The following NRG3 variants were observed in gnomAD, a reference collection of about 807,000 sequenced individuals.
NRG3 encodes the protein pro-neuregulin-3, membrane-bound isoform.
A neutral mutation model predicts 66.9 loss-of-function variants in NRG3; 31 were observed. The ratio of observed to expected loss-of-function variants is 0.46; its 90% CI spans 0.35 to 0.63. NRG3 has a LOEUF of 0.63. Among genes scored for constraint, NRG3 ranks in the 20% least tolerant of loss-of-function variants. The probability of loss-of-function intolerance (pLI) is 0.00; values close to 1 mark genes in which losing one functional copy is unlikely to be tolerated. For missense variants in NRG3, 910 were observed against 878.9 expected (o/e 1.04, Z -0.45); for synonymous variants, 393 against 359.4 (o/e 1.09, Z -1.06).
At chr10:82,418,007 G>T (rs1218816191) in intron 2 of NRG3, among the ~76,000 whole-genome samples, 1 of 152,228 alleles carries the variant, frequency 6.6e-6, no homozygotes, top group Non-Finnish European at 1.5e-5. Context: ...AGAGCACCTT[G>T]AAGTGAAGGC....
intron 4 of NRG3, among the ~76,000 whole-genome samples, chr10:82,925,574 C>T (rs1253751593): frequency 6.6e-6 from 1 of 152,230 alleles, no homozygotes; most frequent in Admixed American, 6.5e-5. Context: ...GACAAGCATG[C>T]TTTAATGCTA....
At chr10:82,410,305 T>A (rs1369380214) in intron 2 of NRG3, among the ~76,000 whole-genome samples, 1 of 151,948 alleles carries the variant, frequency 6.6e-6, no homozygotes, top group Non-Finnish European at 1.5e-5. Context: ...CATAATATAA[T>A]GGGGACCATT....
intron 2 of NRG3, among the ~76,000 whole-genome samples, chr10:82,734,227 G>T (rs1226884238): frequency 6.6e-6 from 1 of 152,080 alleles, no homozygotes; most frequent in African/African-American, 2.4e-5. Flanking sequence ...CTTTTCCTTG[G>T]GGACAATGTA....
chr10:82,855,319 C>T (rs540696715), intron 3 of NRG3, among the ~76,000 whole-genome samples: 3 of 152,126 alleles, frequency 2.0e-5, no homozygotes, highest in African/African-American at 7.2e-5. Flanking sequence ...ATCCTTCTTT[C>T]TTTTCTTTCA....
chr10:82,903,254 T>C (rs1844406724), intron 4 of NRG3, among the ~76,000 whole-genome samples: 2 of 152,160 alleles, frequency 1.3e-5, no homozygotes, highest in Non-Finnish European at 2.9e-5. Flanking sequence ...TGAGCCCAAA[T>C]GTTGAGCGTG....
At chr10:82,232,781 G>A in intron 1 of NRG3, 1 of 717,352 alleles carries the variant, frequency 1.4e-6, no homozygotes, top group Non-Finnish European at 2.6e-6. Flanking sequence ...GGCAACATGG[G>A]GAAGACCAGA....
At chr10:82,362,037 C>G (rs1429201418) in intron 2 of NRG3, among the ~76,000 whole-genome samples, 1 of 81,842 alleles carries the variant, frequency 1.2e-5, no homozygotes, top group Non-Finnish European at 2.3e-5. Flanking sequence ...GATAAGAACA[C>G]AATTACCAAA....
chr10:81,962,835 C>T (rs1486096027), intron 1 of NRG3, among the ~76,000 whole-genome samples: 1 of 152,156 alleles, frequency 6.6e-6, no homozygotes, highest in African/African-American at 2.4e-5. Context: ...GGTCTGTCCT[C>T]TTGTTTTAGG....
chr10:82,332,059 A>T (rs1310560833), intron 1 of NRG3, among the ~76,000 whole-genome samples: 1 of 152,150 alleles, frequency 6.6e-6, no homozygotes, highest in Non-Finnish European at 1.5e-5. Flanking sequence ...ATTTATCGGA[A>T]CCATGGTCAC....
At chr10:82,891,727 A>AT (rs964863803) in intron 4 of NRG3, among the ~76,000 whole-genome samples, 3 of 151,900 alleles carry the variant, frequency 2.0e-5, no homozygotes, top group Non-Finnish European at 4.4e-5. Flanking sequence ...GAACATTAAG[A>AT]TTTTTTTGTT....
At chr10:82,791,784 C>A (rs1292366655) in intron 3 of NRG3, among the ~76,000 whole-genome samples, 1 of 152,194 alleles carries the variant, frequency 6.6e-6, no homozygotes, top group African/African-American at 2.4e-5. Context: ...CCACGTTAAA[C>A]AATTGCTGCT....
intron 1 of NRG3, among the ~76,000 whole-genome samples, chr10:82,253,674 A>G (rs1034662129): frequency 6.6e-6 from 1 of 152,202 alleles, no homozygotes; most frequent in Non-Finnish European, 1.5e-5. Context: ...TTCACCACAC[A>G]TAAGTCAAAA....
rs536048819 is a variant in NRG3 at position 82,168,558 on chromosome 10, G to C, written c.824-190181G>C. Reference sequence around the variant, plus strand: ...ACAATGTTACAACCTCATCCAACCAGACTACCTAGAATAGTGATCATGGTT... The same window carrying C: ...ACAATGTTACAACCTCATCCAACCACACTACCTAGAATAGTGATCATGGTT... On this transcript the variant is annotated intron_variant, in intron 1 of 8. Coordinates refer to ENST00000372141, the MANE Select transcript of NRG3 (RefSeq NM_001010848.4). Among the ~76,000 whole-genome samples, 476 of 152,186 alleles carry C rather than the reference G, an allele frequency of 3.1e-3. 2 individuals are homozygous for C. Among genetic ancestry groups the C allele is most frequent in the African/African-American group, 0.011 (458 of 41,542 alleles).
At chr10:82,826,492 A>G (rs2062215384) in intron 3 of NRG3, among the ~76,000 whole-genome samples, 1 of 152,062 alleles carries the variant, frequency 6.6e-6, no homozygotes, top group Non-Finnish European at 1.5e-5. Context: ...GGGTGTTAGG[A>G]AACACACATA....
chr10:82,549,315 T>C (rs2044147434), intron 2 of NRG3, among the ~76,000 whole-genome samples: 1 of 152,226 alleles, frequency 6.6e-6, no homozygotes, highest in Non-Finnish European at 1.5e-5. Flanking sequence ...CTGAATTCAA[T>C]GTGCATCATA....
chr10:82,199,757 C>T (rs1342094937), intron 1 of NRG3, among the ~76,000 whole-genome samples: 1 of 152,098 alleles, frequency 6.6e-6, no homozygotes, highest in Non-Finnish European at 1.5e-5. Flanking sequence ...AAGCTATCTA[C>T]ACTTGGTGCC....
At chr10:82,311,320 T>C (rs1337882974) in intron 1 of NRG3, among the ~76,000 whole-genome samples, 1 of 152,204 alleles carries the variant, frequency 6.6e-6, no homozygotes, top group Non-Finnish European at 1.5e-5. Flanking sequence ...AATAATCATC[T>C]TTAAATAACT....
In NRG3 at chr10:82,154,725, A is replaced by G. The variant is rs150404231; in HGVS notation, c.824-204014A>G. Among the ~76,000 whole-genome samples the G allele has an allele frequency of 2.6e-4, 40 of 151,658 alleles. No individual in the cohort carries two copies. In the East Asian group the frequency reaches 7.2e-3, roughly 27 times the overall value. On this transcript the variant is annotated intron_variant, in intron 1 of 8. Transcript: ENST00000372141. ...GCACGGGATTTCTTTCTGTTTGTAC[A>G]TGTTGCCTTTAATTTATTTTATCAA...
intron 1 of NRG3, among the ~76,000 whole-genome samples, chr10:81,942,757 T>C (rs1848507777): frequency 6.6e-6 from 1 of 152,146 alleles, no homozygotes; most frequent in Non-Finnish European, 1.5e-5. Context: ...ACTTTCACAT[T>C]ATACTAACAC....
Sources: gnomAD v4.1 joint callset for allele counts (sites outside exome capture counted in the v4.1 genomes callset) on GRCh38, gnomAD v4.1.1 for gene constraint, MANE v1.5 for transcripts, NCBI Gene and HGNC (gene_info 2026-07-23, HGNC 2026-07-21) for gene names.